The following DPP6 variants were observed in gnomAD, a reference collection of about 807,000 sequenced individuals.
DPP6 encodes the protein A-type potassium channel modulatory protein DPP6.
A neutral mutation model predicts 122.6 loss-of-function variants in DPP6; 69 were observed. That is an observed-to-expected ratio of 0.56 (90% CI 0.46 to 0.69). DPP6 has a LOEUF of 0.69. Ranked by LOEUF, DPP6 falls within the 30% of genes least tolerant of loss-of-function variation. The pLI is 0.00. For synonymous variants in DPP6, 418 were observed against 433.1 expected (o/e 0.97, Z 0.43); for missense variants, 928 against 1,116.9 (o/e 0.83, Z 2.41).
At chr7:153,785,210 C>T in the DPP6 span, among the ~76,000 whole-genome samples, 2 of 152,246 alleles carry the variant, frequency 1.3e-5, no homozygotes, top group South Asian at 2.1e-4. Flanking sequence ...TGCCACAAAC[C>T]CCCGTGTCTC....
chr7:154,596,527 T>A (rs893908715), intron 5 of DPP6, among the ~76,000 whole-genome samples: 2 of 152,110 alleles, frequency 1.3e-5, no homozygotes, highest in African/African-American at 4.8e-5. Flanking sequence ...AGACAATGGA[T>A]AGCAAGAGAA....
intron 5 of DPP6, among the ~76,000 whole-genome samples, chr7:154,571,857 C>G (rs942999837): frequency 1.3e-5 from 2 of 152,188 alleles, no homozygotes; most frequent in Admixed American, 1.3e-4. Flanking sequence ...AACATAGCAG[C>G]TTAAGACAAA....
At chr7:154,255,551 G>C (rs971905738) in intron 1 of DPP6, among the ~76,000 whole-genome samples, 14 of 151,988 alleles carry the variant, frequency 9.2e-5, no homozygotes, top group African/African-American at 3.4e-4. Flanking sequence ...TGTTACCCTT[G>C]AACCAGGCAG....
chr7:154,630,244 A>C (rs1835324723), intron 5 of DPP6, among the ~76,000 whole-genome samples: 1 of 152,182 alleles, frequency 6.6e-6, no homozygotes, highest in South Asian at 2.1e-4. Flanking sequence ...ATTGTTAGGA[A>C]GGGAATATCT....
chr7:153,945,695 T>C (rs1801919227), intron 1 of DPP6, among the ~76,000 whole-genome samples: 2 of 152,196 alleles, frequency 1.3e-5, no homozygotes, highest in South Asian at 4.1e-4. Flanking sequence ...TGCCAAATTT[T>C]ATGTTTCTCA....
intron 1 of DPP6, among the ~76,000 whole-genome samples, chr7:154,275,900 C>A (rs1467854076): frequency 6.6e-6 from 1 of 152,242 alleles, no homozygotes; most frequent in Admixed American, 6.5e-5. Flanking sequence ...ACTGCACCAG[C>A]CCCTCCGGCT....
intron 16 of DPP6, among the ~76,000 whole-genome samples, chr7:154,841,164 C>G (rs960628072): frequency 2.6e-5 from 4 of 152,140 alleles, no homozygotes; most frequent in Admixed American, 2.0e-4. Flanking sequence ...ATACCAGGAG[C>G]TGCGAGAAGT....
At chr7:154,520,717 A>G (rs1222789945) in intron 3 of DPP6, among the ~76,000 whole-genome samples, 1 of 152,200 alleles carries the variant, frequency 6.6e-6, no homozygotes, top group Non-Finnish European at 1.5e-5. Flanking sequence ...AGTGTTTTCT[A>G]TGGGAGTGGG....
intron 1 of DPP6, among the ~76,000 whole-genome samples, chr7:154,112,858 A>G (rs1585402939): frequency 6.6e-6 from 1 of 152,188 alleles, no homozygotes; most frequent in South Asian, 2.1e-4. Context: ...ATTTTGCACA[A>G]CTGAAACTTT....
At chr7:154,631,147 A>G (rs1835384880) in intron 5 of DPP6, among the ~76,000 whole-genome samples, 1 of 152,232 alleles carries the variant, frequency 6.6e-6, no homozygotes, top group Non-Finnish European at 1.5e-5. Context: ...GTCAGAAAGC[A>G]GAAATGATGG....
chr7:154,004,529 A>G (rs568796252), intron 1 of DPP6, among the ~76,000 whole-genome samples: 1,261 of 151,670 alleles, frequency 8.3e-3, no homozygotes, highest in African/African-American at 0.011. Context: ...GGTGTGGGCT[A>G]GAATGCAGAA....
At chr7:153,931,024 T>C (rs1322180473) in intron 1 of DPP6, among the ~76,000 whole-genome samples, 1 of 152,224 alleles carries the variant, frequency 6.6e-6, no homozygotes, top group Non-Finnish European at 1.5e-5. Flanking sequence ...AACAGCAGCA[T>C]TATTAAGATT....
intron 1 of DPP6, among the ~76,000 whole-genome samples, chr7:154,310,766 A>C (rs993209562): frequency 2.6e-5 from 4 of 152,136 alleles, no homozygotes; most frequent in Non-Finnish European, 5.9e-5. Context: ...AATCACTTAG[A>C]GGAATGAACA....
At chr7:153,965,383 C>T (rs1003507414) in intron 1 of DPP6, among the ~76,000 whole-genome samples, 9 of 152,118 alleles carry the variant, frequency 5.9e-5, no homozygotes, top group Admixed American at 2.0e-4. Context: ...CCTTAGGCAG[C>T]GCTCCTCATG....
At chr7:154,851,775 A>T (rs1802401708) in intron 16 of DPP6, among the ~76,000 whole-genome samples, 1 of 143,622 alleles carries the variant, frequency 7.0e-6, no homozygotes, top group Non-Finnish European at 1.5e-5. Flanking sequence ...GTAAGAAAAT[A>T]CTTATTCTTT....
intron 1 of DPP6, among the ~76,000 whole-genome samples, chr7:154,086,726 C>A (rs1362501537): frequency 6.6e-6 from 1 of 150,934 alleles, no homozygotes; most frequent in African/African-American, 2.4e-5. Context: ...TCAAGCGATT[C>A]TCCTGCCTCA....
chr7:153,968,465 A>G (rs532846925), intron 1 of DPP6, among the ~76,000 whole-genome samples: 6 of 152,132 alleles, frequency 3.9e-5, no homozygotes, highest in Middle Eastern at 3.4e-3. Context: ...ACCTTTTGTG[A>G]AAAATGGACA....
At chr7:154,794,282 C>T in intron 11 of DPP6, 80 bp downstream of exon 11, 5 of 1,465,246 alleles carry the variant, frequency 3.4e-6, no homozygotes. Context: ...CCAGAGTCGT[C>T]TCAGCCCTCG....
chr7:154,339,270 G>A (rs571007041), intron 1 of DPP6, among the ~76,000 whole-genome samples: 4 of 152,362 alleles, frequency 2.6e-5, no homozygotes, highest in South Asian at 4.1e-4. Context: ...AGGAAGGAGA[G>A]TGAGGAACCC....
Sources: allele counts gnomAD v4.1 joint callset (sites outside exome capture counted in the v4.1 genomes callset), GRCh38; gene constraint gnomAD v4.1.1; transcripts MANE v1.5; gene names NCBI Gene and HGNC (gene_info 2026-07-23, HGNC 2026-07-21).